TAGLN: variants seen among roughly 807,000 people sequenced by gnomAD.
The protein encoded by TAGLN is 22 kDa actin-binding protein.
In TAGLN, 16 loss-of-function variants were observed where a neutral mutation model predicts 21.9. The observed-to-expected ratio is 0.73, with a 90% CI of 0.49 to 1.11. The LOEUF is 1.11. Ranked by LOEUF, TAGLN falls within the 50% of genes least tolerant of loss-of-function variation. The pLI, the probability that TAGLN is intolerant of heterozygous loss-of-function variation, is 0.00. For missense variants in TAGLN, 248 were observed against 263.2 expected (o/e 0.94, Z 0.40); for synonymous variants, 96 against 94.9 (o/e 1.01, Z -0.06).
In TAGLN at chr11:117,205,387, C is replaced by T. The variant is rs1395423096; in HGVS notation, c.*1028C>T. 1 of 233,396 alleles carries T rather than the reference C, an allele frequency of 4.3e-6. No individual in the cohort carries two copies. The highest frequency in any genetic ancestry group is 8.5e-6 in the Non-Finnish European group (1 of 117,972). 14.5% of individuals were successfully genotyped at this position (233,396 alleles called of 1,614,324 possible). A position where few individuals can be genotyped will look rare whatever the true frequency, so the allele number is the denominator to read the frequency against. The stretch of plus-strand genomic sequence containing the variant: ...GCTCTGCAGTCCTGCCGCAGGATTC[C>T]CTAGTGAAGCAGCTCAGGCCTGGGG... On this transcript the variant is annotated 3_prime_UTR_variant, in exon 5 of 5. Coordinates refer to ENST00000392951, the MANE Select transcript of TAGLN (RefSeq NM_003186.5).
At chr11:117,201,532 G>C (rs1368920256) in intron 1 of TAGLN, 1 of 152,254 alleles carries the variant, frequency 6.6e-6, no homozygotes, top group East Asian at 1.9e-4. Context: ...TCTGCTAAGG[G>C]CCAGGCAGTA....
Position 117,203,223 on chromosome 11 carries a change from G to T in TAGLN, c.180+30G>T. 6.3e-7 allele frequency: 1 copy of T among 1,593,904 alleles called. No individual in the cohort carries two copies. Among genetic ancestry groups the T allele is most frequent in the Non-Finnish European group, 8.6e-7 (1 of 1,166,448 alleles). ...GTGGCACCCTGGGCTAGGGCGCTGGGGGGCTGGGGTGTGCCACCCTGTGAG... is the reference window on the plus strand; with the variant it reads ...GTGGCACCCTGGGCTAGGGCGCTGGTGGGCTGGGGTGTGCCACCCTGTGAG... On this transcript the variant is annotated intron_variant, in intron 2 of 4. Coordinates refer to ENST00000392951, the MANE Select transcript of TAGLN (RefSeq NM_003186.5). This position sits in a 1 kb window ranked among gnomAD's most constrained non-coding sequence, Gnocchi z 4.4.
At chr11:117,202,840 G>A (rs1465405520) in intron 1 of TAGLN, 162 bp from the exon 2 acceptor site, 6 of 533,858 alleles carry the variant, frequency 1.1e-5, no homozygotes, top group Non-Finnish European at 1.9e-5. Context: ...TCAGAGAGGT[G>A]TCTGGAGTAG....
rs1225747454 is a variant in TAGLN, at chr11:117,202,940, G to A, written c.-12-62G>A. 3 of 1,461,618 alleles carry A rather than the reference G, an allele frequency of 2.1e-6. No individual in the cohort carries two copies. In the Admixed American group the frequency reaches 7.2e-5, roughly 35 times the overall value. 90.5% of individuals were successfully genotyped at this position (1,461,618 alleles called of 1,614,324 possible). On this transcript the variant is annotated intron_variant, in intron 1 of 4. Coordinates refer to ENST00000392951, the MANE Select transcript of TAGLN (RefSeq NM_003186.5). ...CAGAGCTAGAAGGCTGCCTGGCACG[G>A]GTGAAAGCAGAGCTGCTCCCTGACC...
intron 1 of TAGLN, 167 bp from the exon 2 acceptor site, chr11:117,202,835 G>A (rs2031154303): frequency 2.0e-6 from 1 of 506,190 alleles, no homozygotes. Flanking sequence ...CAAGTTCAGA[G>A]AGGTGTCTGG....
At position 117,203,499 on chromosome 11, in the gene TAGLN, G is replaced by C. The variant is rs762042572; in HGVS notation, c.358+15G>C. On this transcript the variant is annotated intron_variant, in intron 3 of 4. Transcript: ENST00000392951. The surrounding 1 kb of genome is among the most constrained non-coding windows in gnomAD (Gnocchi z 4.4). Reference sequence around the variant, plus strand: ...CCTCTTTGAAGGTAGAGAGGAAGAGGCTGGGGGAGGAGGTGGGCAGGAGGA... The same window carrying C: ...CCTCTTTGAAGGTAGAGAGGAAGAGCCTGGGGGAGGAGGTGGGCAGGAGGA... The C allele has an allele frequency of 1.2e-6, 2 of 1,611,138 alleles. No individual in the cohort carries two copies. Among genetic ancestry groups the C allele is most frequent in the Non-Finnish European group, 1.7e-6 (2 of 1,177,628 alleles).
At position 117,205,334 on chromosome 11, in the gene TAGLN, T is replaced by G. The variant is rs925689316; in HGVS notation, c.*975T>G. On this transcript the variant is annotated 3_prime_UTR_variant, in exon 5 of 5. Coordinates refer to ENST00000392951, the MANE Select transcript of TAGLN (RefSeq NM_003186.5). ...GGAGTGGCAGTGGCTCCCAAGGCTC[T>G]CTCCTCCAACATGTGCATCTGCCAT... The G allele has an allele frequency of 4.3e-6, 1 of 233,356 alleles. No individual in the cohort carries two copies. Among genetic ancestry groups the G allele is most frequent in the African/African-American group, 2.2e-5 (1 of 45,318 alleles). The allele number at this position is 233,356 out of a possible 1,614,324, so 14.5% of individuals were successfully genotyped here.
In TAGLN at chr11:117,204,760, C is replaced by CA. The variant is rs36014587; in HGVS notation, c.*419dup. 0.29 allele frequency: 50,774 copies of CA among 174,660 alleles called. 6,933 individuals are homozygous for CA. Among genetic ancestry groups the CA allele is most frequent in the East Asian group, 0.49 (3,687 of 7,520 alleles). The allele number at this position is 174,660 out of a possible 1,614,324, so 10.8% of individuals were successfully genotyped here. On this transcript the variant is annotated 3_prime_UTR_variant, in exon 5 of 5. Coordinates refer to ENST00000392951, the MANE Select transcript of TAGLN (RefSeq NM_003186.5). ...CTGGAATATTTTTGGGGTTGGAACT[C>CA]AAAAAAAAAAAAAAAAAATCAATCT...
At chr11:117,199,519 T>A (rs2030996461) in intron 1 of TAGLN, 87 bp downstream of exon 1, 1 of 152,124 alleles carries the variant, frequency 6.6e-6, no homozygotes, top group East Asian at 1.9e-4. Flanking sequence ...TCTCCTGAGG[T>A]CCCAGGCGCC....
rs750902284 is a variant in TAGLN, at chr11:117,203,509, G to A, written c.358+25G>A. 3.7e-6 allele frequency: 6 copies of A among 1,610,344 alleles called. No individual in the cohort carries two copies. The African/African-American group carries it at 8.0e-5, about 22-fold the overall frequency. ...GGTAGAGAGGAAGAGGCTGGGGGAG[G>A]AGGTGGGCAGGAGGACAGGGTGCTG... On this transcript the variant is annotated intron_variant, in intron 3 of 4. Transcript: ENST00000392951. This position sits in a 1 kb window ranked among gnomAD's most constrained non-coding sequence, Gnocchi z 4.4.
At chr11:117,204,090 AG>A (rs2031225950) in intron 4 of TAGLN, 124 bp from the exon 5 acceptor site, 12 of 1,415,918 alleles carry the variant, frequency 8.5e-6, no homozygotes, top group Admixed American at 6.1e-5. Flanking sequence ...GAGGCAAGCT[AG>A]ATTAGGGAAA....
chr11:117,202,847 G>A, intron 1 of TAGLN, 155 bp from the exon 2 acceptor site: 2 of 568,244 alleles, frequency 3.5e-6, no homozygotes, highest in Non-Finnish European at 5.8e-6. Context: ...GGTGTCTGGA[G>A]TAGGGGCTGA....
chr11:117,200,870 G>A (rs1176439983), intron 1 of TAGLN, among the ~76,000 whole-genome samples: 1 of 152,132 alleles, frequency 6.6e-6, no homozygotes, highest in African/African-American at 2.4e-5. Context: ...GGGTGCAGAA[G>A]GGGAAGGCAG....
intron 1 of TAGLN, among the ~76,000 whole-genome samples, chr11:117,200,034 C>T (rs1163534852): frequency 4.0e-5 from 6 of 151,784 alleles, no homozygotes; most frequent in Admixed American, 2.0e-4. Flanking sequence ...AGGTCACCCC[C>T]ACTGTAGCAG....
At position 117,205,629 on chromosome 11, in the gene TAGLN, G is replaced by A. The variant is rs1334897806; in HGVS notation, c.*1270G>A. ...CCCAGTGATGTTTCCATTGAGATGC[G>A]CTCCTGGCTATGGCAGGCACCTTCT... On this transcript the variant is annotated 3_prime_UTR_variant, in exon 5 of 5. Transcript: ENST00000392951. 2 of 252,038 alleles carry A rather than the reference G, an allele frequency of 7.9e-6. No individual in the cohort carries two copies. The highest frequency in any genetic ancestry group is 5.9e-5 in the East Asian group (1 of 17,072). The allele number at this position is 252,038 out of a possible 1,614,324, so 15.6% of individuals were successfully genotyped here.
Position 117,203,821 on chromosome 11 carries a change from T to C in TAGLN, c.398T>C (p.Leu133Ser). ...MAAVQRTLMA[L>S]GSLAVTKNDG... is the part of the protein sequence containing the mutation. ...GCAGTGCAGAGGACCCTGATGGCTT[T>C]GGGCAGCTTGGCAGTGACCAAGAAT... Residue 133 changes from leucine to serine, a missense_variant, in exon 4 of 5, where the codon TTG (leucine) becomes TCG (serine). Coordinates refer to ENST00000392951, the MANE Select transcript of TAGLN (RefSeq NM_003186.5). The surrounding 1 kb of genome is among the most constrained non-coding windows in gnomAD (Gnocchi z 4.4). The C allele has an allele frequency of 6.2e-7, 1 of 1,614,034 alleles. No individual in the cohort carries two copies. Among genetic ancestry groups the C allele is most frequent in the East Asian group, 2.2e-5 (1 of 44,878 alleles).
At chr11:117,200,499 TG>T (rs1185778662) in intron 1 of TAGLN, among the ~76,000 whole-genome samples, 1 of 152,024 alleles carries the variant, frequency 6.6e-6, no homozygotes, top group Non-Finnish European at 1.5e-5. Flanking sequence ...GAGATGCCCC[TG>T]GGGGGGCCGC....
In TAGLN at chr11:117,204,760, C is replaced by CTAAA; in HGVS notation, c.*401_*402insTAAA. On this transcript the variant is annotated 3_prime_UTR_variant, in exon 5 of 5. Coordinates refer to ENST00000392951, the MANE Select transcript of TAGLN (RefSeq NM_003186.5). The stretch of plus-strand genomic sequence containing the variant: ...CTGGAATATTTTTGGGGTTGGAACT[C>CTAAA]AAAAAAAAAAAAAAAAAATCAATCT... The CTAAA allele has an allele frequency of 5.7e-6, 1 of 174,192 alleles. No individual in the cohort carries two copies. 10.8% of individuals were successfully genotyped at this position (174,192 alleles called of 1,614,324 possible). A position where few individuals can be genotyped will look rare whatever the true frequency, so the allele number is the denominator to read the frequency against.
intron 1 of TAGLN, 174 bp from the exon 2 acceptor site, chr11:117,202,828 G>T: frequency 2.0e-6 from 1 of 495,284 alleles, no homozygotes; most frequent in Non-Finnish European, 3.5e-6. Context: ...TGGTGTTCAA[G>T]TTCAGAGAGG....
Sources: allele counts gnomAD v4.1 joint callset (sites outside exome capture counted in the v4.1 genomes callset), GRCh38; gene constraint gnomAD v4.1.1; non-coding constraint Gnocchi (gnomAD v3.1); transcripts MANE v1.5; gene names NCBI Gene and HGNC (gene_info 2026-07-23, HGNC 2026-07-21).